KCNN2: variants seen among roughly 807,000 people sequenced by gnomAD.
The protein encoded by KCNN2 is potassium calcium-activated channel subfamily N member 2.
A neutral mutation model predicts 55.5 loss-of-function variants in KCNN2; 24 were observed. The ratio of observed to expected loss-of-function variants is 0.43; its 90% CI spans 0.31 to 0.61. The LOEUF (loss-of-function observed/expected upper bound fraction) is 0.61, where lower values mean the gene tolerates loss of function less well. KCNN2 is among the 20% of genes least tolerant of loss of function. KCNN2 has a pLI of 0.08. For missense variants in KCNN2, 754 were observed against 853.6 expected (o/e 0.88, Z 1.45); for synonymous variants, 431 against 336.1 (o/e 1.28, Z -3.09).
At chr5:114,356,393 C>T (rs1757294796) in intron 2 of KCNN2, among the ~76,000 whole-genome samples, 1 of 152,090 alleles carries the variant, frequency 6.6e-6, no homozygotes, top group Admixed American at 6.5e-5. Context: ...TTTCTAGCTG[C>T]CAAAGGATAT....
At chr5:114,191,154 G>T (rs1753441469) in intron 1 of KCNN2, among the ~76,000 whole-genome samples, 1 of 152,076 alleles carries the variant, frequency 6.6e-6, no homozygotes, top group Non-Finnish European at 1.5e-5. Flanking sequence ...TTGTAAATGT[G>T]AACTTTATTT....
At chr5:114,429,310 C>A (rs1759720852) in intron 3 of KCNN2, among the ~76,000 whole-genome samples, 1 of 152,006 alleles carries the variant, frequency 6.6e-6, no homozygotes, top group South Asian at 2.1e-4. Context: ...TGGCCAAAAT[C>A]TAAAAAGAAT....
chr5:114,183,541 A>T (rs1489455837), intron 1 of KCNN2, among the ~76,000 whole-genome samples: 1 of 152,062 alleles, frequency 6.6e-6, no homozygotes, highest in Non-Finnish European at 1.5e-5. Flanking sequence ...ATACAAATAG[A>T]TTCTCTGCTT....
At chr5:114,455,366 T>C (rs1481974324) in intron 3 of KCNN2, among the ~76,000 whole-genome samples, 1 of 152,220 alleles carries the variant, frequency 6.6e-6, no homozygotes, top group Non-Finnish European at 1.5e-5. Flanking sequence ...TCTATTTATC[T>C]TGGGGTTCCA....
At chr5:114,172,226 T>C (rs1388073071) in intron 1 of KCNN2, among the ~76,000 whole-genome samples, 1 of 152,018 alleles carries the variant, frequency 6.6e-6, no homozygotes, top group African/African-American at 2.4e-5. Flanking sequence ...ATTCAACAAA[T>C]ATTTATTTGG....
intron 2 of KCNN2, among the ~76,000 whole-genome samples, chr5:114,349,476 TATATGAAACAAA>T (rs887619976): frequency 1.3e-5 from 2 of 152,002 alleles, no homozygotes; most frequent in African/African-American, 4.8e-5. Flanking sequence ...GTATAAGGTG[TATATGAAACAAA>T]AATGAATTAT....
chr5:114,405,025 C>T (rs907864177), intron 3 of KCNN2, among the ~76,000 whole-genome samples, 169 bp downstream of exon 3: 5 of 152,066 alleles, frequency 3.3e-5, no homozygotes, highest in African/African-American at 9.7e-5. Context: ...AAGATTTTTT[C>T]GTAGAGCAAA....
chr5:114,076,757 G>A (rs372743889), intron 1 of KCNN2, among the ~76,000 whole-genome samples: 5 of 152,134 alleles, frequency 3.3e-5, no homozygotes, highest in Non-Finnish European at 7.4e-5. Flanking sequence ...GCAGTGGTGC[G>A]ATCTCGGCTT....
intron 1 of KCNN2, among the ~76,000 whole-genome samples, chr5:114,062,770 CAT>C (rs1750359437): frequency 6.6e-6 from 1 of 152,124 alleles, no homozygotes; most frequent in Non-Finnish European, 1.5e-5. Flanking sequence ...TAAGACCTCA[CAT>C]GTAGTTATTA....
intron 1 of KCNN2, among the ~76,000 whole-genome samples, chr5:114,074,984 C>G (rs1205625481): frequency 2.6e-5 from 4 of 152,176 alleles, no homozygotes; most frequent in Non-Finnish European, 5.9e-5. Context: ...CCACCAGACA[C>G]AAGAAGGCAG....
intron 2 of KCNN2, among the ~76,000 whole-genome samples, chr5:114,391,058 C>T (rs1758438344): frequency 6.6e-6 from 1 of 152,058 alleles, no homozygotes. Flanking sequence ...AAGCTCTTGC[C>T]TAAGTCAGGA....
chr5:114,363,311 T>G (rs1580750326), intron 1 of KCNN2, 50 bp downstream of exon 1: 1 of 1,511,358 alleles, frequency 6.6e-7, no homozygotes, highest in African/African-American at 1.4e-5. Context: ...CACTGGGTGG[T>G]TGGGATGGGC....
intron 2 of KCNN2, among the ~76,000 whole-genome samples, chr5:114,343,596 G>T (rs1021732767): frequency 6.6e-6 from 1 of 152,116 alleles, no homozygotes; most frequent in Non-Finnish European, 1.5e-5. Flanking sequence ...AGGGGCAAAA[G>T]AATGAAGTCA....
At chr5:114,290,503 A>T (rs1350547381) in intron 2 of KCNN2, among the ~76,000 whole-genome samples, 3 of 151,974 alleles carry the variant, frequency 2.0e-5, no homozygotes, top group Non-Finnish European at 4.4e-5. Flanking sequence ...AGTCTAGCTA[A>T]AGCTTTATCA....
At chr5:114,439,296 T>G (rs1344653189) in intron 3 of KCNN2, among the ~76,000 whole-genome samples, 1 of 152,168 alleles carries the variant, frequency 6.6e-6, no homozygotes, top group African/African-American at 2.4e-5. Flanking sequence ...CTTAACTTTT[T>G]TAGGTTCTTT....
intron 2 of KCNN2, among the ~76,000 whole-genome samples, chr5:114,318,065 C>G (rs879429292): frequency 6.6e-6 from 1 of 152,078 alleles, no homozygotes. Context: ...TTTTTTTGTT[C>G]CATCTCTGCA....
intron 1 of KCNN2, among the ~76,000 whole-genome samples, chr5:114,187,274 C>T (rs12521597): frequency 0.29 from 43,506 of 151,232 alleles, 6,817 homozygotes; most frequent in East Asian, 0.73. Context: ...TAAAACTAGA[C>T]GGAAAAAATC....
At chr5:114,081,157 G>A (rs920737037) in intron 1 of KCNN2, among the ~76,000 whole-genome samples, 1 of 152,188 alleles carries the variant, frequency 6.6e-6, no homozygotes, top group East Asian at 1.9e-4. Context: ...TTAGACATAA[G>A]TAAATAGAAA....
At chr5:114,084,136 A>G (rs1284218823) in intron 1 of KCNN2, among the ~76,000 whole-genome samples, 1 of 152,116 alleles carries the variant, frequency 6.6e-6, no homozygotes, top group Admixed American at 6.6e-5. Context: ...AGCTGCTATT[A>G]ACATTCATGT....
Sources: gnomAD v4.1 joint callset for allele counts (sites outside exome capture counted in the v4.1 genomes callset) on GRCh38, gnomAD v4.1.1 for gene constraint, MANE v1.5 for transcripts, NCBI Gene and HGNC (gene_info 2026-07-23, HGNC 2026-07-21) for gene names.